Variants in CROCC2 observed in about 807,000 individuals in gnomAD.
The protein encoded by CROCC2 is ciliary rootlet coiled-coil protein 2.
A neutral mutation model predicts 177.6 loss-of-function variants in CROCC2; 163 were observed. The observed-to-expected ratio is 0.92, with a 90% CI of 0.81 to 1.05. The LOEUF is 1.05. Ranked by LOEUF, CROCC2 falls within the 50% of genes least tolerant of loss-of-function variation. The pLI, the probability that CROCC2 is intolerant of heterozygous loss-of-function variation, is 0.00. For synonymous variants in CROCC2, 904 were observed against 787.3 expected (o/e 1.15, Z -2.48); for missense variants, 1,929 against 1,797.8 (o/e 1.07, Z -1.32).
intron 25 of CROCC2, 166 bp from the exon 26 acceptor site, chr2:240,967,179 C>T: frequency 2.5e-6 from 1 of 396,096 alleles, no homozygotes; most frequent in Non-Finnish European, 4.4e-6. Flanking sequence ...TGATCACCTT[C>T]CCCGCACCTT....
At chr2:240,948,540 A>G (rs867908818) in intron 15 of CROCC2, among the ~76,000 whole-genome samples, 14 of 152,366 alleles carry the variant, frequency 9.2e-5, no homozygotes, top group Middle Eastern at 3.4e-3. Flanking sequence ...GCGAACAGCA[A>G]CAATGAAACT....
At chr2:240,981,603 C>G (rs892039699) in intron 27 of CROCC2, 1 of 152,040 alleles carries the variant, frequency 6.6e-6, no homozygotes, top group African/African-American at 2.4e-5. Context: ...ATATTTAAGC[C>G]ATATTTGCAG....
intron 27 of CROCC2, among the ~76,000 whole-genome samples, chr2:240,975,683 T>C (rs1348092168): frequency 1.4e-5 from 2 of 147,460 alleles, no homozygotes; most frequent in Non-Finnish European, 1.5e-5. Flanking sequence ...ACAGCTTCCC[T>C]GGGGGCATCT....
At position 240,968,221 on chromosome 2, in the gene CROCC2, GC is replaced by G; in HGVS notation, c.4361del (p.Ala1454GlyfsTer70). 1 of 1,533,180 alleles carries G rather than the reference GC, an allele frequency of 6.5e-7. No individual in the cohort carries two copies. Among genetic ancestry groups the G allele is most frequent in the Non-Finnish European group, 8.7e-7 (1 of 1,145,434 alleles). The allele number at this position is 1,533,180 out of a possible 1,614,324, so 95.0% of individuals were successfully genotyped here. On this transcript the variant is annotated frameshift_variant, in exon 27 of 32. Coordinates refer to ENST00000690015, the MANE Select transcript of CROCC2 (RefSeq NM_001351305.2). LOFTEE classifies it high-confidence loss of function. ...CCGCAGGCTGGAGTTGGAGCACCTG[GC>G]GAGCGTGCGTGCGGCAGGCCAGGAG... is the stretch of plus-strand genomic sequence containing the variant. ...ALRRLELEHL[A>X]SVRAAGQEKR...
Position 240,946,148 on chromosome 2 carries a change from T to C in CROCC2, c.2258T>C (p.Leu753Pro). The change falls in exon 15 of 32, where the codon CTG becomes CCG. Residue 753 changes from leucine (L) to proline (P), a missense_variant. Around this residue, in one of 3 missense-constraint regions of CROCC2, gnomAD observed 1,397 missense variants for 1,239.9 expected, o/e 1.13. Coordinates refer to ENST00000690015, the MANE Select transcript of CROCC2 (RefSeq NM_001351305.2). Reference sequence around the variant, plus strand: ...CAGATGGGCACTCTGCAGCAAGCCCTGCAAGGAAAGGATGCTCTGTCTGAG... The same window carrying C: ...CAGATGGGCACTCTGCAGCAAGCCCCGCAAGGAAAGGATGCTCTGTCTGAG... ...EAQMGTLQQA[L>P]QGKDALSEER... The C allele has an allele frequency of 6.5e-7, 1 of 1,548,392 alleles. No individual in the cohort carries two copies. The highest frequency in any genetic ancestry group is 1.2e-5 in the South Asian group (1 of 84,002).
chr2:240,963,670 G>A lies in CROCC2; in HGVS notation c.3202G>A (p.Ala1068Thr). The change falls in exon 21 of 32, where the codon GCC (alanine) becomes ACC (threonine). Residue 1068 changes from alanine (A) to threonine (T), a missense_variant. Coordinates refer to ENST00000690015, the MANE Select transcript of CROCC2 (RefSeq NM_001351305.2). ...REGLHREAQE[A>T]RRALSDEARE... ...GGGGCTGCACAGGGAGGCCCAGGAG[G>A]CCCGCCGGGCGCTGAGTGACGAGGC... 1 of 1,550,078 alleles carries A rather than the reference G, an allele frequency of 6.5e-7. No individual in the cohort carries two copies. The highest frequency in any genetic ancestry group is 8.7e-7 in the Non-Finnish European group (1 of 1,146,786).
chr2:240,949,068 G>A lies in CROCC2; in HGVS notation c.2453G>A (p.Ser818Asn). ...GAGCAGCTGGAGGAGGAAGCCCGGA[G>A]CGCAGGACTCGCGCGGCAGGCCTTG... ...LQEQLEEEARSAGLARQALQV... is the reference protein window; with the variant it reads ...LQEQLEEEARNAGLARQALQV... Residue 818 changes from serine to asparagine, a missense_variant, in exon 16 of 32, where the codon AGC (serine) becomes AAC (asparagine). Physicochemically the swap from Ser to Asn is conservative, Grantham distance 46. Transcript: ENST00000690015. This position sits in a 1 kb window ranked among gnomAD's most constrained non-coding sequence, Gnocchi z 4.5. 1 of 1,547,856 alleles carries A rather than the reference G, an allele frequency of 6.5e-7. No homozygotes were observed. The highest frequency in any genetic ancestry group is 8.7e-7 in the Non-Finnish European group (1 of 1,146,280).
chr2:240,939,202 A>T (rs1332793474), intron 14 of CROCC2, among the ~76,000 whole-genome samples: 2 of 152,104 alleles, frequency 1.3e-5, no homozygotes, highest in Non-Finnish European at 2.9e-5. Context: ...TGACATTTTT[A>T]AAAAATTATA....
intron 5 of CROCC2, chr2:240,929,590 C>A: frequency 2.3e-6 from 1 of 441,418 alleles, no homozygotes; most frequent in Admixed American, 2.4e-5. Flanking sequence ...CACCCTCCTC[C>A]CTGCTGAACT....
chr2:240,914,101 C>A (rs2059303720), intron 1 of CROCC2, among the ~76,000 whole-genome samples: 1 of 152,242 alleles, frequency 6.6e-6, no homozygotes, highest in African/African-American at 2.4e-5. Context: ...TGGTTCCCTG[C>A]CCTTTGCTCA....
Position 240,921,755 on chromosome 2 carries a change from G to A in CROCC2, c.382-784G>A, listed in dbSNP as rs77236147. On this transcript the variant is annotated intron_variant, in intron 3 of 31. Transcript: ENST00000690015. ...CCCGGCTCCTCCAGGGTCTTCCAAC[G>A]CCACCTTCTCTTCCAGCTTGTGGCT... is the stretch of plus-strand genomic sequence containing the variant. 0.014 allele frequency among the ~76,000 whole-genome samples: 2,065 copies of A among 152,276 alleles called. 89 individuals are homozygous for A. In the East Asian group the frequency reaches 0.15, roughly 11 times the overall value.
At chr2:240,969,432 G>A (rs1461687377) in intron 27 of CROCC2, among the ~76,000 whole-genome samples, 1 of 152,232 alleles carries the variant, frequency 6.6e-6, no homozygotes, top group African/African-American at 2.4e-5. Flanking sequence ...TGCAGAGAGA[G>A]CAAGGTCCTC....
chr2:240,974,347 C>CTT (rs57051056), intron 27 of CROCC2, among the ~76,000 whole-genome samples: 34 of 127,068 alleles, frequency 2.7e-4, no homozygotes, highest in African/African-American at 8.3e-4. Context: ...TTTTAGTTTA[C>CTT]TTTTTTTTTT....
intron 25 of CROCC2, among the ~76,000 whole-genome samples, chr2:240,967,027 G>A (rs1365925877): frequency 4.0e-5 from 6 of 151,834 alleles, no homozygotes; most frequent in South Asian, 2.1e-4. Flanking sequence ...AGCCCCTACC[G>A]GTCCCCCTGA....
At chr2:240,966,036 C>T in intron 24 of CROCC2, 43 bp downstream of exon 24, 1 of 1,322,320 alleles carries the variant, frequency 7.6e-7, no homozygotes, top group South Asian at 2.5e-5. Flanking sequence ...TCTCCCAGCT[C>T]AGTCCCTGGC....
At chr2:240,931,945 G>A (rs1425042318) in intron 7 of CROCC2, among the ~76,000 whole-genome samples, 1 of 152,268 alleles carries the variant, frequency 6.6e-6, no homozygotes, top group Non-Finnish European at 1.5e-5. Flanking sequence ...GGAAGGAACA[G>A]TAAAATTACT....
At chr2:240,909,858 A>G (rs1412679767) in intron 1 of CROCC2, among the ~76,000 whole-genome samples, 1 of 152,188 alleles carries the variant, frequency 6.6e-6, no homozygotes, top group South Asian at 2.1e-4. Context: ...GATGGGCAGC[A>G]GAACCGTAGG....
chr2:240,973,497 T>C lies in CROCC2; in HGVS notation c.4401+5235T>C, dbSNP rs2059737072. Among the ~76,000 whole-genome samples the C allele has an allele frequency of 6.6e-6, 1 of 152,164 alleles. No homozygotes were observed. Among genetic ancestry groups the C allele is most frequent in the African/African-American group, 2.4e-5 (1 of 41,434 alleles). ...GGCTCAGGGAAGCTCACGGCGTTCT[T>C]GGACTCTTGCCCAGGCCTCCTTCCC... is the stretch of plus-strand genomic sequence containing the variant. On this transcript the variant is annotated intron_variant, in intron 27 of 31. Coordinates refer to ENST00000690015, the MANE Select transcript of CROCC2 (RefSeq NM_001351305.2). The surrounding 1 kb of genome is among the most constrained non-coding windows in gnomAD (Gnocchi z 4.7).
At chr2:240,961,486 A>C (rs1232936992) in intron 20 of CROCC2, among the ~76,000 whole-genome samples, 1 of 152,000 alleles carries the variant, frequency 6.6e-6, no homozygotes, top group Non-Finnish European at 1.5e-5. Context: ...ACGTGCACAC[A>C]CATACATGCA....
Sources: gnomAD v4.1 joint callset for allele counts (sites outside exome capture counted in the v4.1 genomes callset) on GRCh38, gnomAD v4.1.1 for gene constraint, gnomAD v4.1.1 regional missense constraint, Gnocchi (gnomAD v3.1) non-coding constraint, MANE v1.5 for transcripts, NCBI Gene and HGNC (gene_info 2026-07-23, HGNC 2026-07-21) for gene names.